Variants in INVS observed in about 807,000 individuals in gnomAD.
The protein encoded by INVS is inversion of embryo turning homolog.
INVS carries 86 observed loss-of-function variants against 108.8 expected under a neutral mutation model. The observed-to-expected ratio is 0.79, with a 90% CI of 0.66 to 0.95. INVS has a LOEUF of 0.95. Ranked by LOEUF, INVS falls within the 40% of genes least tolerant of loss-of-function variation. INVS has a pLI of 0.00. For synonymous variants in INVS, 455 were observed against 473.5 expected (o/e 0.96, Z 0.51); for missense variants, 1,169 against 1,297.4 (o/e 0.90, Z 1.52).
At chr9:100,164,217 T>C (rs1244208030) in intron 3 of INVS, among the ~76,000 whole-genome samples, 1 of 152,238 alleles carries the variant, frequency 6.6e-6, no homozygotes, top group African/African-American at 2.4e-5. Flanking sequence ...GTAGTACATA[T>C]GTTAATTATA....
chr9:100,157,282 T>TTTTTTTTTTTG (rs1829024008), intron 3 of INVS, among the ~76,000 whole-genome samples: 1 of 150,036 alleles, frequency 6.7e-6, no homozygotes, highest in African/African-American at 2.5e-5. Flanking sequence ...TTTTTTTTTT[T>TTTTTTTTTTTG]GAGGCAGAGT....
At chr9:100,201,985 T>C (rs1588085094) in intron 3 of INVS, among the ~76,000 whole-genome samples, 1 of 152,232 alleles carries the variant, frequency 6.6e-6, no homozygotes, top group African/African-American at 2.4e-5. Context: ...CTGGCCATAG[T>C]GCTTCTCATA....
Position 100,240,070 on chromosome 9 carries a change from C to T in INVS, c.626C>T (p.Pro209Leu), listed in dbSNP as rs770938747. The change falls in exon 6 of 17, where the codon CCA becomes CTA. Residue 209 changes from proline to leucine, a missense_variant. Transcript: ENST00000262457. ...GTTCCTTCAAATCAGGATGCTGCTC[C>T]AACAGAGTCTTTACTGAACTGGCAA... ...HTVRCILDAA[P>L]TESLLNWQDY... 6.2e-7 allele frequency: 1 copy of T among 1,614,022 alleles called. No homozygotes were observed. Among genetic ancestry groups the T allele is most frequent in the Admixed American group, 1.7e-5 (1 of 60,006 alleles).
chr9:100,115,866 GC>G (rs1827503764), intron 2 of INVS, among the ~76,000 whole-genome samples: 1 of 152,084 alleles, frequency 6.6e-6, no homozygotes, highest in Non-Finnish European at 1.5e-5. Flanking sequence ...CTCAGGAATC[GC>G]CACACTGTCT....
chr9:100,206,996 C>T (rs531023686), intron 3 of INVS, among the ~76,000 whole-genome samples: 37 of 152,234 alleles, frequency 2.4e-4, no homozygotes, highest in African/African-American at 8.4e-4. Flanking sequence ...CTCTCAGTGC[C>T]TCATATCAGG....
intron 2 of INVS, among the ~76,000 whole-genome samples, chr9:100,121,851 C>T (rs924229520): frequency 6.6e-6 from 1 of 151,940 alleles, no homozygotes; most frequent in African/African-American, 2.4e-5. Flanking sequence ...TATATATTTC[C>T]TTCTAAGCTT....
intron 3 of INVS, among the ~76,000 whole-genome samples, chr9:100,183,840 G>A: frequency 6.9e-6 from 1 of 145,456 alleles, no homozygotes; most frequent in Non-Finnish European, 1.5e-5. Flanking sequence ...TAAATAGGTA[G>A]CTAAAGATAA....
Position 100,297,006 on chromosome 9 carries a change from C to G in INVS, c.2876C>G (p.Ala959Gly). The change falls in exon 15 of 17, where the codon GCA becomes GGA. Residue 959 changes from alanine to glycine, a missense_variant. Ala to Gly is a moderately conservative substitution (Grantham distance 60). This residue lies in a region of INVS where 533 missense variants were observed against 536.0 expected (regional missense o/e 0.99). Coordinates refer to ENST00000262457, the MANE Select transcript of INVS (RefSeq NM_014425.5). Reference sequence around the variant, plus strand: ...GACAGATGGAGGCAAGAGTCTACAGCATTGCTCCTCCAGGTTTGGAGGAAG... The same window carrying G: ...GACAGATGGAGGCAAGAGTCTACAGGATTGCTCCTCCAGGTTTGGAGGAAG... ...DVDRWRQEST[A>G]LLLQVWRKEL... 1 of 1,614,080 alleles carries G rather than the reference C, an allele frequency of 6.2e-7. No homozygotes were observed. The highest frequency in any genetic ancestry group is 8.5e-7 in the Non-Finnish European group (1 of 1,179,996).
At chr9:100,136,563 C>T (rs1002999304) in intron 3 of INVS, among the ~76,000 whole-genome samples, 1 of 152,040 alleles carries the variant, frequency 6.6e-6, no homozygotes, top group Non-Finnish European at 1.5e-5. Context: ...TTGATTTATT[C>T]AAATCAGGAC....
chr9:100,254,593 A>G (rs1286200490), intron 10 of INVS, among the ~76,000 whole-genome samples: 1 of 152,176 alleles, frequency 6.6e-6, no homozygotes, highest in African/African-American at 2.4e-5. Context: ...TAATTTTTAT[A>G]TAAGGTATAA....
At chr9:100,296,825 A>C (rs1833804821) in intron 14 of INVS, 92 bp from the exon 15 acceptor site, 6 of 1,008,658 alleles carry the variant, frequency 5.9e-6, no homozygotes, top group Non-Finnish European at 7.7e-6. Flanking sequence ...AATTCAGCAA[A>C]TACTACTCCT....
At chr9:100,235,827 A>C (rs967439913) in intron 5 of INVS, among the ~76,000 whole-genome samples, 2 of 151,932 alleles carry the variant, frequency 1.3e-5, no homozygotes, top group Admixed American at 1.3e-4. Context: ...ACCTTGGTGA[A>C]TCTGATGATT....
At chr9:100,146,890 C>T (rs1332792764) in intron 3 of INVS, among the ~76,000 whole-genome samples, 2 of 152,180 alleles carry the variant, frequency 1.3e-5, no homozygotes, top group South Asian at 2.1e-4. Context: ...CTTCCGTCAA[C>T]GTAGGTGTAC....
chr9:100,279,559 A>T (rs1833216409), intron 12 of INVS, among the ~76,000 whole-genome samples: 1 of 152,248 alleles, frequency 6.6e-6, no homozygotes, highest in Non-Finnish European at 1.5e-5. Context: ...AACTAACAGA[A>T]CAGAGCACAC....
intron 16 of INVS, among the ~76,000 whole-genome samples, chr9:100,299,635 GACACACACACACACACACACACACACAC>G (rs10530240): frequency 9.8e-5 from 13 of 132,296 alleles, no homozygotes; most frequent in African/African-American, 2.0e-4. Flanking sequence ...GCCTTTTATT[GACACACACACACACACACACACACACAC>G]ACACACACAC....
intron 3 of INVS, among the ~76,000 whole-genome samples, chr9:100,145,031 G>A (rs1485503938): frequency 6.6e-6 from 1 of 152,130 alleles, no homozygotes; most frequent in East Asian, 1.9e-4. Context: ...TGTCTATTTG[G>A]AACCACTGTT....
At chr9:100,215,286 T>C (rs1830952637) in intron 3 of INVS, 1 of 152,176 alleles carries the variant, frequency 6.6e-6, no homozygotes, top group Admixed American at 6.5e-5. Flanking sequence ...CATCCTGAGA[T>C]TGCTTTTGGG....
chr9:100,276,445 T>C (rs1261722798), intron 12 of INVS, among the ~76,000 whole-genome samples: 1 of 152,198 alleles, frequency 6.6e-6, no homozygotes, highest in African/African-American at 2.4e-5. Context: ...CCATTGATTG[T>C]ATGCATTCCC....
At chr9:100,116,128 G>C (rs1337296323) in intron 2 of INVS, among the ~76,000 whole-genome samples, 1 of 148,962 alleles carries the variant, frequency 6.7e-6, no homozygotes, top group Non-Finnish European at 1.5e-5. Context: ...TTTTGAGACA[G>C]GGTCATACTC....
Sources: gnomAD v4.1 joint callset for allele counts (sites outside exome capture counted in the v4.1 genomes callset) on GRCh38, gnomAD v4.1.1 for gene constraint, gnomAD v4.1.1 regional missense constraint, MANE v1.5 for transcripts, NCBI Gene and HGNC (gene_info 2026-07-23, HGNC 2026-07-21) for gene names.